Variants in DAB1 observed in about 807,000 individuals in gnomAD.
DAB1 encodes the protein DAB adaptor protein 1.
In DAB1, 15 loss-of-function variants were observed where a neutral mutation model predicts 64.6. The ratio of observed to expected loss-of-function variants is 0.23; its 90% confidence interval spans 0.16 to 0.36. The LOEUF (loss-of-function observed/expected upper bound fraction) is 0.36, where lower values mean the gene tolerates loss of function less well. Ranked by LOEUF, DAB1 falls within the 10% of genes least tolerant of loss-of-function variation. The pLI is 1.00. For missense variants in DAB1, 596 were observed against 706.7 expected (o/e 0.84, Z 1.78); for synonymous variants, 235 against 251.9 (o/e 0.93, Z 0.64).
At chr1:58,136,686 T>A (rs1298806818) in intron 5 of DAB1, among the ~76,000 whole-genome samples, 1 of 152,226 alleles carries the variant, frequency 6.6e-6, no homozygotes, top group Non-Finnish European at 1.5e-5. Flanking sequence ...ACTGATAGCA[T>A]CTCTGCACAG....
Position 58,233,018 on chromosome 1 carries a change from C to G in DAB1, n.310-82430G>C, listed in dbSNP as rs939129805. On this transcript the variant is annotated intron_variant and non_coding_transcript_variant, in intron 4 of 20. Coordinates refer to the DAB1 transcript ENST00000485760. ...TTCCTGTATCTCAGTGCCTAGAACT[C>G]TATGTAGCACATAGTAGAGACTCAA... Among the ~76,000 whole-genome samples, 6 of 152,274 alleles carry G rather than the reference C, an allele frequency of 3.9e-5. No individual in the cohort carries two copies. In the South Asian group the frequency reaches 6.2e-4, roughly 16 times the overall value.
intron 2 of DAB1, among the ~76,000 whole-genome samples, chr1:57,225,500 T>C (rs568408328): frequency 1.3e-5 from 2 of 152,310 alleles, no homozygotes; most frequent in African/African-American, 4.8e-5. Context: ...AGACACAGCA[T>C]ACATCACAAC....
chr1:57,419,042 G>T (rs924274165), intron 1 of DAB1, among the ~76,000 whole-genome samples: 5 of 152,186 alleles, frequency 3.3e-5, no homozygotes, highest in Admixed American at 6.5e-5. Context: ...AGTTCAGTGT[G>T]AGTTTTCATG....
chr1:57,294,560 TCCC>T lies in DAB1; in HGVS notation c.-136-3397_-136-3395del, dbSNP rs1158743644. Among the ~76,000 whole-genome samples the T allele has an allele frequency of 1.4e-4, 22 of 152,216 alleles. 1 individual carries two copies. In the East Asian group the frequency reaches 4.1e-3, roughly 28 times the overall value. On this transcript the variant is annotated intron_variant, in intron 1 of 14. Transcript: ENST00000371236. ...ATAACACACATTTGTGTTCTTTCTT[TCCC>T]CCTTTTCTCATATAATCCTACAATA...
At chr1:58,173,538 G>C (rs1358597014) in intron 4 of DAB1, among the ~76,000 whole-genome samples, 1 of 152,186 alleles carries the variant, frequency 6.6e-6, no homozygotes, top group East Asian at 1.9e-4. Flanking sequence ...ATGGTTCCTA[G>C]TAGATACAAA....
At chr1:57,067,668 A>T (rs1229814192) in intron 8 of DAB1, among the ~76,000 whole-genome samples, 1 of 152,190 alleles carries the variant, frequency 6.6e-6, no homozygotes, top group Non-Finnish European at 1.5e-5. Flanking sequence ...ATTGCAAAAA[A>T]CAGAAAAGGG....
At chr1:57,783,856 T>C (rs1650220485) in intron 6 of DAB1, among the ~76,000 whole-genome samples, 2 of 152,164 alleles carry the variant, frequency 1.3e-5, no homozygotes, top group South Asian at 4.2e-4. Context: ...TGGATAGATG[T>C]TGAGTGTGTT....
At chr1:57,781,114 CTCTCTCTCTCTCTATATA>C (rs1480068877) in intron 6 of DAB1, among the ~76,000 whole-genome samples, 11 of 62,758 alleles carry the variant, frequency 1.8e-4, no homozygotes, top group South Asian at 5.6e-4. Context: ...CTCTCTCTCT[CTCTCTCTCTCTCTATATA>C]TATATATATA....
chr1:57,428,791 G>C (rs1229529278), upstream of DAB1, among the ~76,000 whole-genome samples: 1 of 146,868 alleles, frequency 6.8e-6, no homozygotes, highest in Admixed American at 6.9e-5. Flanking sequence ...AGCGTACAAA[G>C]GTTCCCTTAT....
Position 57,190,089 on chromosome 1 carries a change from G to A in DAB1, c.68-44660C>T, listed in dbSNP as rs147138151. ...AGAGTAGTGGTTCTCAAACCTGAGT[G>A]TGCATTAGAATCACCTGGAGGGCTT... On this transcript the variant is annotated intron_variant, in intron 2 of 14. Coordinates refer to ENST00000371236, the MANE Select transcript of DAB1 (RefSeq NM_001365792.1). Among the ~76,000 whole-genome samples the A allele has an allele frequency of 3.5e-3, 533 of 152,280 alleles. 4 individuals carry two copies. The highest frequency in any genetic ancestry group is 0.012 in the African/African-American group (518 of 41,560).
At chr1:57,112,604 T>C (rs530147948) in intron 4 of DAB1, among the ~76,000 whole-genome samples, 1 of 152,236 alleles carries the variant, frequency 6.6e-6, no homozygotes, top group East Asian at 1.9e-4. Context: ...GGGCCAGTCA[T>C]AACATAGGCT....
At chr1:58,019,594 G>A (rs1646788366) in intron 5 of DAB1, among the ~76,000 whole-genome samples, 2 of 152,118 alleles carry the variant, frequency 1.3e-5, no homozygotes, top group African/African-American at 2.4e-5. Flanking sequence ...AAAATGCATT[G>A]CTTTCCTCAT....
intron 3 of DAB1, 140 bp downstream of exon 3, chr1:57,145,150 G>T: frequency 1.2e-6 from 1 of 815,898 alleles, no homozygotes; most frequent in Non-Finnish European, 1.9e-6. Context: ...TCTTCCGAAT[G>T]AAAAAATATG....
At chr1:57,429,245 A>G (rs910806889) in intron 7 of DAB1, among the ~76,000 whole-genome samples, 2 of 152,168 alleles carry the variant, frequency 1.3e-5, no homozygotes, top group Non-Finnish European at 2.9e-5. Context: ...CGTGATATTA[A>G]GCAACTTTTT....
At chr1:57,054,936 G>C (rs1335185128) in intron 9 of DAB1, among the ~76,000 whole-genome samples, 1 of 152,226 alleles carries the variant, frequency 6.6e-6, no homozygotes, top group Non-Finnish European at 1.5e-5. Context: ...CTGCTGAGTA[G>C]AGGAAGTATG....
chr1:58,187,814 A>C (rs1479441404), intron 4 of DAB1, among the ~76,000 whole-genome samples: 1 of 150,454 alleles, frequency 6.6e-6, no homozygotes, highest in Non-Finnish European at 1.5e-5. Flanking sequence ...CCTGACCTCA[A>C]GTGATCCACC....
At chr1:58,308,248 A>G (rs141314226) in intron 4 of DAB1, among the ~76,000 whole-genome samples, 1 of 152,242 alleles carries the variant, frequency 6.6e-6, no homozygotes, top group Non-Finnish European at 1.5e-5. Flanking sequence ...CTCAAAAGGG[A>G]TGCCCTCACA....
chr1:57,345,213 C>T (rs898030501), intron 1 of DAB1, among the ~76,000 whole-genome samples: 24 of 152,162 alleles, frequency 1.6e-4, no homozygotes, highest in Non-Finnish European at 2.5e-4. Flanking sequence ...GGGGACCTGC[C>T]CCCTATCGTG....
intron 7 of DAB1, among the ~76,000 whole-genome samples, chr1:57,478,868 G>A (rs1643975037): frequency 6.6e-6 from 1 of 151,678 alleles, no homozygotes; most frequent in Non-Finnish European, 1.5e-5. Flanking sequence ...CCAAAGTGCT[G>A]GGATTACAGG....
Sources: allele counts gnomAD v4.1 joint callset (sites outside exome capture counted in the v4.1 genomes callset), GRCh38; gene constraint gnomAD v4.1.1; transcripts MANE v1.5; gene names NCBI Gene and HGNC (gene_info 2026-07-23, HGNC 2026-07-21).